The following TPPP variants were observed in gnomAD, a reference collection of about 807,000 sequenced individuals.
The protein encoded by TPPP is tubulin polymerization promoting protein.
Under a neutral mutation model 15.5 loss-of-function variants are expected in TPPP, and 6 were observed. The observed-to-expected ratio is 0.39, with a 90% CI of 0.21 to 0.77. The LOEUF (loss-of-function observed/expected upper bound fraction) is 0.77, where lower values mean the gene tolerates loss of function less well. Ranked by LOEUF, TPPP falls within the 30% of genes least tolerant of loss-of-function variation. The pLI is 0.42. For missense variants in TPPP, 269 were observed against 307.2 expected (o/e 0.88, Z 0.93); for synonymous variants, 146 against 133.9 (o/e 1.09, Z -0.63).
chr5:676,423 A>G, intron 2 of TPPP: 1 of 152,366 alleles, frequency 6.6e-6, no homozygotes, highest in Non-Finnish European at 1.5e-5. Context: ...TGGGCCCCAC[A>G]GCCTTCCACA....
intron 2 of TPPP, among the ~76,000 whole-genome samples, chr5:672,935 AAAC>A (rs1740273320): frequency 6.6e-6 from 1 of 152,238 alleles, no homozygotes; most frequent in African/African-American, 2.4e-5. Flanking sequence ...AACGAGGACT[AAAC>A]AAAGGCTCGC....
intron 2 of TPPP, among the ~76,000 whole-genome samples, chr5:671,805 A>G (rs1740232887): frequency 6.6e-6 from 1 of 152,184 alleles, no homozygotes; most frequent in African/African-American, 2.4e-5. Context: ...AGGGCTCCAG[A>G]GCCGCCGAGT....
At chr5:681,457 C>G (rs949980083) in intron 1 of TPPP, among the ~76,000 whole-genome samples, 3 of 152,168 alleles carry the variant, frequency 2.0e-5, no homozygotes, top group African/African-American at 7.2e-5. Flanking sequence ...TGCCCGCCAT[C>G]CCAGTTGTGC....
chr5:676,771 G>T (rs960188548), intron 2 of TPPP, among the ~76,000 whole-genome samples: 1 of 152,200 alleles, frequency 6.6e-6, no homozygotes, highest in Non-Finnish European at 1.5e-5. Context: ...GGCAACAGAC[G>T]TGTGCACACA....
intron 2 of TPPP, among the ~76,000 whole-genome samples, chr5:667,846 G>A (rs1177352664): frequency 2.0e-5 from 3 of 146,508 alleles, no homozygotes; most frequent in Non-Finnish European, 3.0e-5. Context: ...AGAGGGGTCC[G>A]CGTGGGCGCC....
chr5:671,467 T>C (rs1039505825), intron 2 of TPPP, among the ~76,000 whole-genome samples: 1 of 152,170 alleles, frequency 6.6e-6, no homozygotes, highest in Non-Finnish European at 1.5e-5. Flanking sequence ...TTCTGGCTGT[T>C]TGTTTGGAGA....
In TPPP at chr5:680,085, ATG is replaced by A. The variant is rs1346625201; in HGVS notation, c.-4-2023_-4-2022del. Among the ~76,000 whole-genome samples the A allele has an allele frequency of 6.2e-5, 7 of 113,394 alleles. No homozygotes were observed. In the East Asian group the frequency reaches 1.4e-3, roughly 23 times the overall value. 74.4% of individuals were successfully genotyped at this position (113,394 alleles called of 152,430 possible). ...GCGATTTCAGACCTGGCGGAAGAGA[ATG>A]TGCGTGAGCAGAGATGCGGACGGGT... On this transcript the variant is annotated intron_variant, in intron 1 of 3. Coordinates refer to ENST00000360578, the MANE Select transcript of TPPP (RefSeq NM_007030.3).
At chr5:686,379 G>A (rs545673435) in intron 1 of TPPP, among the ~76,000 whole-genome samples, 56 of 150,628 alleles carry the variant, frequency 3.7e-4, no homozygotes, top group African/African-American at 1.0e-3. Flanking sequence ...GAAAACAGCC[G>A]AGGCTCTCAA....
At chr5:697,279 G>T (rs1164160388), upstream of TPPP, among the ~76,000 whole-genome samples, 1 of 87,164 alleles carries the variant, frequency 1.1e-5, no homozygotes, top group African/African-American at 3.9e-5. Flanking sequence ...GATGAGGAGG[G>T]GAAGCCAAAT....
At chr5:682,420 C>G (rs1740651725) in intron 1 of TPPP, among the ~76,000 whole-genome samples, 1 of 150,276 alleles carries the variant, frequency 6.7e-6, no homozygotes, top group Non-Finnish European at 1.5e-5. Flanking sequence ...GGGTCTGTCA[C>G]TAGGGCCAGG....
In TPPP at chr5:665,959, G is replaced by T; in HGVS notation, c.465+11C>A. 2.5e-6 allele frequency: 1 copy of T among 403,630 alleles called. No homozygotes were observed. Among genetic ancestry groups the T allele is most frequent in the African/African-American group, 4.6e-5 (1 of 21,838 alleles). The allele number at this position is 403,630 out of a possible 1,614,324, so 25.0% of individuals were successfully genotyped here. The stretch of plus-strand genomic sequence containing the variant: ...CCTCCAGGCCCCGCCTTCCATCCCC[G>T]CCCTGCTCACCGTCACCCCTGAGAT... On this transcript the variant is annotated intron_variant, in intron 3 of 3. Coordinates refer to ENST00000360578, the MANE Select transcript of TPPP (RefSeq NM_007030.3).
At chr5:680,697 A>C (rs1427097797) in intron 1 of TPPP, among the ~76,000 whole-genome samples, 1 of 151,330 alleles carries the variant, frequency 6.6e-6, no homozygotes, top group East Asian at 2.0e-4. Flanking sequence ...AATGCTTCCA[A>C]AGCCCGCCTC....
chr5:674,076 G>T (rs1461591659), intron 2 of TPPP, among the ~76,000 whole-genome samples: 1 of 152,248 alleles, frequency 6.6e-6, no homozygotes, highest in Non-Finnish European at 1.5e-5. Flanking sequence ...CATGGGGCCG[G>T]CCCTGCAGGG....
At chr5:698,087 G>T (rs1405715258), upstream of TPPP, among the ~76,000 whole-genome samples, 5 of 147,634 alleles carry the variant, frequency 3.4e-5, no homozygotes, top group East Asian at 9.8e-4. Flanking sequence ...AATAGATGCA[G>T]AAAAAGCATT....
chr5:675,506 C>T (rs1399854052), intron 2 of TPPP, among the ~76,000 whole-genome samples: 1 of 112,598 alleles, frequency 8.9e-6, no homozygotes, highest in Admixed American at 1.1e-4. Flanking sequence ...GCCGGGGCTG[C>T]AGTGTGACCA....
In TPPP at chr5:666,015, C is replaced by T; in HGVS notation, c.420G>A (p.Val140=). The T allele has an allele frequency of 6.3e-7, 1 of 1,578,364 alleles. No individual in the cohort carries two copies. Among genetic ancestry groups the T allele is most frequent in the South Asian group, 1.1e-5 (1 of 90,528 alleles). The change falls in exon 3 of 4, where the codon GTG becomes GTA. Residue 140 remains valine (V), a synonymous_variant. Coordinates refer to ENST00000360578, the MANE Select transcript of TPPP (RefSeq NM_007030.3). ...DKSSEEAVRE[V]HRLIEGKAPI... ...GCGCCTTGCCCTCGATGAGCCTGTG[C>T]ACCTCGCGAACGGCCTCCTCGCTGC... is the stretch of plus-strand genomic sequence containing the variant.
upstream of TPPP, among the ~76,000 whole-genome samples, chr5:698,130 T>C (rs868654028): frequency 5.7e-3 from 851 of 149,852 alleles, 2 homozygotes; most frequent in African/African-American, 0.02. Context: ...ATGATAAAAA[T>C]TCTCAACAAA....
chr5:678,000 C>T lies in TPPP; in HGVS notation c.61G>A (p.Asp21Asn), dbSNP rs1740509984. The stretch of plus-strand genomic sequence containing the variant: ...TTGGCTGCCCGGTCCTTCGAGGGGT[C>T]CCCCGGGGACTTGGGGGGCGTCCTG... ...ANRTPPKSPGDPSKDRAAKRL... is the reference protein window; with the variant it reads ...ANRTPPKSPGNPSKDRAAKRL... The change falls in exon 2 of 4, where the codon GAC becomes AAC. Residue 21 changes from aspartate (D) to asparagine (N), a missense_variant. By Grantham distance (23) the Asp-to-Asn change is conservative. Coordinates refer to ENST00000360578, the MANE Select transcript of TPPP (RefSeq NM_007030.3). The T allele has an allele frequency of 1.2e-6, 2 of 1,605,098 alleles. No individual in the cohort carries two copies. The highest frequency in any genetic ancestry group is 1.3e-5 in the African/African-American group (1 of 74,772).
At chr5:679,390 G>A (rs1249547849) in intron 1 of TPPP, among the ~76,000 whole-genome samples, 1 of 119,148 alleles carries the variant, frequency 8.4e-6, no homozygotes, top group Non-Finnish European at 1.5e-5. Context: ...TGGGGGCTGG[G>A]CCGCGTGGGG....
Sources: gnomAD v4.1 joint callset for allele counts (sites outside exome capture counted in the v4.1 genomes callset) on GRCh38, gnomAD v4.1.1 for gene constraint, MANE v1.5 for transcripts, NCBI Gene and HGNC (gene_info 2026-07-23, HGNC 2026-07-21) for gene names.